Variants in HSPG2 observed in about 807,000 individuals in gnomAD.
HSPG2 encodes the protein heparan sulfate proteoglycan 2.
A neutral mutation model predicts 526.6 loss-of-function variants in HSPG2; 278 were observed. That is an observed-to-expected ratio of 0.53 (90% CI 0.48 to 0.58). The LOEUF (loss-of-function observed/expected upper bound fraction) is 0.58. Among genes scored for constraint, HSPG2 ranks in the 20% least tolerant of loss-of-function variants. The pLI, the probability that HSPG2 is intolerant of heterozygous loss-of-function variation, is 0.00. For missense variants in HSPG2, 5,354 were observed against 6,099.5 expected (o/e 0.88, Z 4.07); for synonymous variants, 2,465 against 2,555.4 (o/e 0.96, Z 1.07).
intron 74 of HSPG2, among the ~76,000 whole-genome samples, chr1:21,838,542 G>A (rs960758601): frequency 1.8e-4 from 28 of 152,264 alleles, no homozygotes; most frequent in African/African-American, 4.1e-4. Context: ...CCTGGCAGGG[G>A]AGGCAGGCTG....
intron 3 of HSPG2, among the ~76,000 whole-genome samples, chr1:21,894,235 CA>C (rs1642583872): frequency 6.6e-6 from 1 of 151,874 alleles, no homozygotes; most frequent in Admixed American, 6.5e-5. Flanking sequence ...CAGCCATGCC[CA>C]GGGGGAGGAG....
Position 21,872,726 on chromosome 1 carries a change from C to T in HSPG2, c.3923G>A (p.Arg1308Gln), listed in dbSNP as rs750663958. The T allele has an allele frequency of 1.2e-5, 19 of 1,609,426 alleles. No homozygotes were observed. Among genetic ancestry groups the T allele is most frequent in the Middle Eastern group, 1.7e-4 (1 of 6,012 alleles). Reference sequence around the variant, plus strand: ...GGCACTCAGGTGGAAGTGGTGGGGCCGGCAGTGGCTGCAAGTGAGGCCTTC... The same window carrying T: ...GGCACTCAGGTGGAAGTGGTGGGGCTGGCAGTGGCTGCAAGTGAGGCCTTC... Reference protein sequence around the residue: ...QVEGLTCSHCRPHHFHLSASN... With the variant: ...QVEGLTCSHCQPHHFHLSASN... Residue 1308 changes from arginine to glutamine, a missense_variant, in exon 32 of 97, where the codon CGG becomes CAG. Transcript: ENST00000374695. The surrounding 1 kb of genome is among the most constrained non-coding windows in gnomAD (Gnocchi z 5.5).
At chr1:21,897,556 C>T (rs1411019822) in intron 1 of HSPG2, among the ~76,000 whole-genome samples, 1 of 152,166 alleles carries the variant, frequency 6.6e-6, no homozygotes, top group African/African-American at 2.4e-5. Context: ...AATGCATCCT[C>T]CAAAATCAAC....
At chr1:21,894,209 C>T (rs1424973316) in intron 3 of HSPG2, among the ~76,000 whole-genome samples, 2 of 151,814 alleles carry the variant, frequency 1.3e-5, no homozygotes, top group Non-Finnish European at 2.9e-5. Context: ...GGGGCTGGAG[C>T]TGAGCCAGGG....
chr1:21,924,068 C>T (rs1414826077), intron 1 of HSPG2, among the ~76,000 whole-genome samples: 1 of 152,188 alleles, frequency 6.6e-6, no homozygotes, highest in African/African-American at 2.4e-5. Context: ...GATTCTGGGG[C>T]TACACAAGAA....
intron 9 of HSPG2, among the ~76,000 whole-genome samples, chr1:21,885,871 C>A (rs908532114): frequency 6.6e-6 from 1 of 152,270 alleles, no homozygotes; most frequent in Non-Finnish European, 1.5e-5. Flanking sequence ...ACAGTGTGGT[C>A]CCCTGAGGGG....
Position 21,824,248 on chromosome 1 carries a change from G to A in HSPG2, c.12816-44C>T, listed in dbSNP as rs535694981. On this transcript the variant is annotated intron_variant, in intron 94 of 96. Coordinates refer to ENST00000374695, the MANE Select transcript of HSPG2 (RefSeq NM_005529.7). This position sits in a 1 kb window ranked among gnomAD's most constrained non-coding sequence, Gnocchi z 5.9. ...AAGAAGTATGAGCTGGGGCAGGACC[G>A]GGGGGTGGGGTGCTGGGACCAGGGA... 88 of 1,610,972 alleles carry A rather than the reference G, an allele frequency of 5.5e-5. No individual in the cohort carries two copies. Among genetic ancestry groups the A allele is most frequent in the East Asian group, 2.2e-4 (10 of 44,854 alleles).
At chr1:21,889,807 A>T in intron 6 of HSPG2, 174 bp downstream of exon 6, 1 of 694,358 alleles carries the variant, frequency 1.4e-6, no homozygotes, top group Non-Finnish European at 2.6e-6. Flanking sequence ...TAGAGGAAAC[A>T]GTCTGTGCTC....
At chr1:21,926,887 T>C (rs1644210219) in intron 1 of HSPG2, among the ~76,000 whole-genome samples, 1 of 151,280 alleles carries the variant, frequency 6.6e-6, no homozygotes, top group African/African-American at 2.4e-5. Context: ...AGAAGAGGCA[T>C]GATCCCAGTT....
Position 21,865,493 on chromosome 1 carries a change from C to T in HSPG2, c.4315-128G>A. The T allele has an allele frequency of 1.0e-6, 1 of 968,366 alleles. No individual in the cohort carries two copies. The highest frequency in any genetic ancestry group is 1.6e-6 in the Non-Finnish European group (1 of 611,604). 60.0% of individuals were successfully genotyped at this position (968,366 alleles called of 1,614,324 possible). ...CTCTCTGCTCTCCCAAGCTCATGCG[C>T]CCAAAGGAGTCAGGCACATGCCCAC... On this transcript the variant is annotated intron_variant, in intron 34 of 96. Coordinates refer to ENST00000374695, the MANE Select transcript of HSPG2 (RefSeq NM_005529.7). This position sits in a 1 kb window ranked among gnomAD's most constrained non-coding sequence, Gnocchi z 5.4.
In HSPG2 at chr1:21,848,743, G is replaced by A; in HGVS notation, c.7637C>T (p.Ala2546Val). 2.5e-6 allele frequency: 4 copies of A among 1,613,920 alleles called. No homozygotes were observed. Among genetic ancestry groups the A allele is most frequent in the South Asian group, 1.1e-5 (1 of 91,076 alleles). ...VRIESSSASL[A>V]NGHTLDLNCL... Reference sequence around the variant, plus strand: ...GTTGAGGTCCAGGGTGTGTCCATTGGCCAGGGAGGCTGAGGAGGACTCGAT... The same window carrying A: ...GTTGAGGTCCAGGGTGTGTCCATTGACCAGGGAGGCTGAGGAGGACTCGAT... The change falls in exon 59 of 97, where the codon GCC becomes GTC. Residue 2546 changes from alanine to valine, a missense_variant. Ala to Val is a moderately conservative substitution (Grantham distance 64). Transcript: ENST00000374695. This position sits in a 1 kb window ranked among gnomAD's most constrained non-coding sequence, Gnocchi z 4.9.
chr1:21,845,972 C>G, intron 64 of HSPG2, 136 bp downstream of exon 64: 1 of 1,078,766 alleles, frequency 9.3e-7, no homozygotes, highest in Non-Finnish European at 1.4e-6. Flanking sequence ...GTGTGGGTGG[C>G]GGGAGGTGAA....
chr1:21,921,437 T>A (rs958127064), intron 1 of HSPG2, among the ~76,000 whole-genome samples: 6 of 152,162 alleles, frequency 3.9e-5, no homozygotes, highest in African/African-American at 1.2e-4. Flanking sequence ...CTAGACCCTG[T>A]GGGCCCTAAG....
In HSPG2 at chr1:21,823,403, C is replaced by G; in HGVS notation, c.13089G>C (p.Ser4363=). 3.2e-6 allele frequency: 5 copies of G among 1,572,708 alleles called. No homozygotes were observed. Among genetic ancestry groups the G allele is most frequent in the Non-Finnish European group, 4.3e-6 (5 of 1,164,062 alleles). The change falls in exon 97 of 97, where the codon TCG becomes TCC. Residue 4363 remains serine (S), a synonymous_variant. Transcript: ENST00000374695. ...GTGGGGGCGGGGCGCCGGGTCGGGC[C>G]GAGTGCAGCACCAGGTTCTTGACAC... ...TGCVKNLVLH[S]ARPGAPPPQP...
At chr1:21,850,625 CATG>C in intron 55 of HSPG2, 127 bp from the exon 56 acceptor site, 3 of 1,180,384 alleles carry the variant, frequency 2.5e-6, no homozygotes, top group Non-Finnish European at 3.5e-6. Flanking sequence ...CTGTCCTTCA[CATG>C]GGGAAGGGGG....
At chr1:21,915,474 G>GGT (rs1161907158) in intron 1 of HSPG2, among the ~76,000 whole-genome samples, 1 of 152,146 alleles carries the variant, frequency 6.6e-6, no homozygotes, top group Non-Finnish European at 1.5e-5. Flanking sequence ...TCACATTATG[G>GGT]GTGTGGTCAG....
chr1:21,877,059 C>CAAAA lies in HSPG2; in HGVS notation c.2686-411_2686-408dup, dbSNP rs3077630. 3.1e-4 allele frequency among the ~76,000 whole-genome samples: 32 copies of CAAAA among 102,978 alleles called. 1 individual carries two copies. The highest frequency in any genetic ancestry group is 4.9e-3 in the Middle Eastern group (1 of 206). The allele number at this position is 102,978 out of a possible 152,430, so 67.6% of individuals were successfully genotyped here. On this transcript the variant is annotated intron_variant, in intron 21 of 96. Transcript: ENST00000374695. ...ACGCGATGGGAGCGAGACTCCATCT[C>CAAAA]AAAAAAAAAAAAAAAAAGAAAAGAA... is the stretch of plus-strand genomic sequence containing the variant.
rs1305010183 is a variant in HSPG2 at position 21,865,180 on chromosome 1, G to C, written c.4395+105C>G. Reference sequence around the variant, plus strand: ...TACAGGCACTGACTGAGGGCTGCCAGGTGAAGGTTGGGGAGCGAGAGACAG... The same window carrying C: ...TACAGGCACTGACTGAGGGCTGCCACGTGAAGGTTGGGGAGCGAGAGACAG... On this transcript the variant is annotated intron_variant, in intron 35 of 96. Coordinates refer to ENST00000374695, the MANE Select transcript of HSPG2 (RefSeq NM_005529.7). The surrounding 1 kb of genome is among the most constrained non-coding windows in gnomAD (Gnocchi z 5.4). The C allele has an allele frequency of 6.6e-7, 1 of 1,515,348 alleles. No individual in the cohort carries two copies. Among genetic ancestry groups the C allele is most frequent in the Non-Finnish European group, 9.2e-7 (1 of 1,090,630 alleles). 93.9% of individuals were successfully genotyped at this position (1,515,348 alleles called of 1,614,324 possible).
chr1:21,847,502 C>A lies in HSPG2; in HGVS notation c.8026-10G>T, dbSNP rs377601366. The A allele has an allele frequency of 9.3e-5, 150 of 1,613,632 alleles. 1 individual carries two copies. In the Middle Eastern group the frequency reaches 1.2e-3, roughly 12 times the overall value. ...GGTGGGAGCCATGGGTCTGGACGTG[C>A]GGATGGGGAAGGAGAGGGAGAGGGA... On this transcript the variant is annotated splice_polypyrimidine_tract_variant and intron_variant, in intron 61 of 96. Coordinates refer to ENST00000374695, the MANE Select transcript of HSPG2 (RefSeq NM_005529.7). This position sits in a 1 kb window ranked among gnomAD's most constrained non-coding sequence, Gnocchi z 4.1.
Sources: allele counts gnomAD v4.1 joint callset (sites outside exome capture counted in the v4.1 genomes callset), GRCh38; gene constraint gnomAD v4.1.1; non-coding constraint Gnocchi (gnomAD v3.1); transcripts MANE v1.5; gene names NCBI Gene and HGNC (gene_info 2026-07-23, HGNC 2026-07-21).